The following EVC variants were observed in gnomAD, a reference collection of about 807,000 sequenced individuals.
The protein encoded by EVC is evC complex member EVC.
A neutral mutation model predicts 118.9 loss-of-function variants in EVC; 116 were observed. That is an observed-to-expected ratio of 0.98 (90% CI 0.84 to 1.14). The LOEUF (loss-of-function observed/expected upper bound fraction) is 1.14. Among genes scored for constraint, EVC ranks in the 50% most tolerant of loss-of-function variants. EVC has a pLI of 0.00. For missense variants in EVC, 1,401 were observed against 1,246.4 expected, an observed-to-expected ratio of 1.12 and a Z score of -1.87; for synonymous variants, 619 against 534.7, an observed-to-expected ratio of 1.16 and a Z score of -2.18.
chr4:5,750,636 G>C (rs1302972118), intron 8 of EVC, among the ~76,000 whole-genome samples: 2 of 152,192 alleles, frequency 1.3e-5, no homozygotes, highest in Admixed American at 6.5e-5. Context: ...GATAGCACCT[G>C]CTCTCTCACA....
In EVC at chr4:5,811,395, G is replaced by C. The variant is rs1417064402; in HGVS notation, c.*358G>C. ...TCTGGAATCCCTGGCCCAAAGGCCT[G>C]TCTGGGCCCATCTGGGGCTGAGGAC... is the stretch of plus-strand genomic sequence containing the variant. On this transcript the variant is annotated 3_prime_UTR_variant, in exon 21 of 21. Coordinates refer to ENST00000264956, the MANE Select transcript of EVC (RefSeq NM_153717.3). 4 of 335,228 alleles carry C rather than the reference G, an allele frequency of 1.2e-5. No individual in the cohort carries two copies. Among genetic ancestry groups the C allele is most frequent in the Non-Finnish European group, 2.3e-5 (4 of 175,904 alleles). 20.8% of individuals were successfully genotyped at this position (335,228 alleles called of 1,614,324 possible).
In EVC at chr4:5,756,308, C is replaced by T. The variant is rs1324642403; in HGVS notation, c.1509C>T (p.Asp503=). Residue 503 remains aspartate, a synonymous_variant, in exon 11 of 21, where the codon GAC becomes GAT. Transcript: ENST00000264956. This position sits in a 1 kb window ranked among gnomAD's most constrained non-coding sequence, Gnocchi z 4.2. ...AGAGGCAGAGGCTGATGCAGTGTGA[C>T]CTGGAGGAAGAGGAGAATGTCAGAG... is the stretch of plus-strand genomic sequence containing the variant. The part of the protein sequence containing the change: ...VLERQRLMQC[D]LEEEENVRAT... 1.2e-6 allele frequency: 2 copies of T among 1,612,968 alleles called. No individual in the cohort carries two copies. The highest frequency in any genetic ancestry group is 2.2e-5 in the East Asian group (1 of 44,852).
intron 12 of EVC, among the ~76,000 whole-genome samples, chr4:5,784,632 A>G (rs919387636): frequency 1.6e-5 from 2 of 125,828 alleles, no homozygotes; most frequent in Non-Finnish European, 3.2e-5. Context: ...TTTTTTTGGA[A>G]TGGAATCTTG....
intron 2 of EVC, among the ~76,000 whole-genome samples, chr4:5,720,737 A>C (rs958256207): frequency 6.6e-6 from 1 of 152,124 alleles, no homozygotes; most frequent in Non-Finnish European, 1.5e-5. Context: ...CTCTGCTGCT[A>C]TCCCGGGACA....
intron 8 of EVC, 49 bp downstream of exon 8, chr4:5,748,355 A>T (rs1168383109): frequency 6.2e-7 from 1 of 1,604,952 alleles, no homozygotes; most frequent in Non-Finnish European, 8.5e-7. Flanking sequence ...CAGACTAGAG[A>T]TATGGAATCC....
downstream of EVC, among the ~76,000 whole-genome samples, chr4:5,815,125 T>C (rs1717473659): frequency 6.6e-6 from 1 of 151,984 alleles, no homozygotes; most frequent in Non-Finnish European, 1.5e-5. Context: ...ACAGTGGTCT[T>C]AAGGATTGCA....
rs747203423 is a variant in EVC at position 5,733,378 on chromosome 4, C to G, written c.645C>G (p.Ser215Arg). 1 of 1,613,896 alleles carries G rather than the reference C, an allele frequency of 6.2e-7. No individual in the cohort carries two copies. Among genetic ancestry groups the G allele is most frequent in the Non-Finnish European group, 8.5e-7 (1 of 1,179,932 alleles). ...ESVDVDLCIY[S>R]LHLKDLLHLD... is the part of the protein sequence containing the mutation. ...TAGACGTTGACCTGTGTATCTACAGCCTTCACTTAAAAGACCTGCTGCATT... is the reference window on the plus strand; with the variant it reads ...TAGACGTTGACCTGTGTATCTACAGGCTTCACTTAAAAGACCTGCTGCATT... Residue 215 changes from serine (S) to arginine (R), a missense_variant, in exon 5 of 21, where the codon AGC becomes AGG. Coordinates refer to ENST00000264956, the MANE Select transcript of EVC (RefSeq NM_153717.3).
chr4:5,797,790 T>C lies in EVC; in HGVS notation c.2097+558T>C, dbSNP rs552835153. On this transcript the variant is annotated intron_variant, in intron 14 of 20. Coordinates refer to ENST00000264956, the MANE Select transcript of EVC (RefSeq NM_153717.3). ...CCAAAAGTTTTTAGTATCACTGATA[T>C]AATGAGAAATATATACTGGAAAAAC... Among the ~76,000 whole-genome samples, 29 of 152,286 alleles carry C rather than the reference T, an allele frequency of 1.9e-4. No individual in the cohort carries two copies. In the South Asian group the frequency reaches 5.0e-3, roughly 26 times the overall value.
rs75464465 is a variant in EVC at position 5,804,330 on chromosome 4, C to A, written c.2450-400C>A. Among the ~76,000 whole-genome samples, 598 of 152,328 alleles carry A rather than the reference C, an allele frequency of 3.9e-3. 4 individuals are homozygous for A. The highest frequency in any genetic ancestry group is 0.014 in the African/African-American group (572 of 41,568). The stretch of plus-strand genomic sequence containing the variant: ...AGCTCCAAGAAATGGGGCATAACTT[C>A]AGAGCCCAGACTTCCTAGCTCCTTG... On this transcript the variant is annotated intron_variant, in intron 16 of 20. Coordinates refer to ENST00000264956, the MANE Select transcript of EVC (RefSeq NM_153717.3).
At chr4:5,711,593 CG>C in intron 1 of EVC, 39 bp downstream of exon 1, 1 of 1,166,470 alleles carries the variant, frequency 8.6e-7, no homozygotes, top group East Asian at 3.8e-5. Context: ...GCGGGGAGCG[CG>C]GGGCGCGTGG....
At position 5,808,306 on chromosome 4, in the gene EVC, C is replaced by T; in HGVS notation, c.2667C>T (p.Ala889=). ...CAGGAGTCATGGACCTTCTGGAAGC[C>T]CAGCTGGAGACCCAGCTACAGGTAC... ...QQAGVMDLLE[A]QLETQLQEAE... is the part of the protein sequence containing the mutation. Residue 889 remains alanine (A), a synonymous_variant, in exon 18 of 21, where the codon GCC becomes GCT. Coordinates refer to ENST00000264956, the MANE Select transcript of EVC (RefSeq NM_153717.3). 6.2e-7 allele frequency: 1 copy of T among 1,614,202 alleles called. No homozygotes were observed. Among genetic ancestry groups the T allele is most frequent in the Non-Finnish European group, 8.5e-7 (1 of 1,180,052 alleles).
downstream of EVC, among the ~76,000 whole-genome samples, chr4:5,814,501 C>T (rs558376958): frequency 1.1e-4 from 17 of 152,132 alleles, no homozygotes; most frequent in Non-Finnish European, 1.6e-4. Flanking sequence ...CCCTGCCATC[C>T]GCCCATCACA....
In EVC at chr4:5,724,104, G is replaced by A. The variant is rs151135713; in HGVS notation, c.300+4731G>A. Among the ~76,000 whole-genome samples, 12 of 152,320 alleles carry A rather than the reference G, an allele frequency of 7.9e-5. No individual in the cohort carries two copies. The East Asian group carries it at 2.3e-3, about 29-fold the overall frequency. On this transcript the variant is annotated intron_variant, in intron 2 of 20. Coordinates refer to ENST00000264956, the MANE Select transcript of EVC (RefSeq NM_153717.3). ...CTCAGTTCGCAGCACCATAAGGTGG[G>A]CATGATAATAATAGTCCCCACCTCC...
At chr4:5,770,702 GTCAA>G (rs1357109407) in intron 11 of EVC, among the ~76,000 whole-genome samples, 1 of 152,148 alleles carries the variant, frequency 6.6e-6, no homozygotes, top group Non-Finnish European at 1.5e-5. Context: ...ACACAAATCA[GTCAA>G]TCAGTTAATG....
rs187283956 is a variant in EVC, at chr4:5,742,340, A to G, written c.801+526A>G. 2.3e-3 allele frequency among the ~76,000 whole-genome samples: 354 copies of G among 152,278 alleles called. 3 individuals carry two copies. The highest frequency in any genetic ancestry group is 1.7e-3 in the Non-Finnish European group (114 of 68,018). Reference sequence around the variant, plus strand: ...AGAAAGGATAAGAGAGATGTGTATGATACACCTAGCAATGTCATAGTTGGC... The same window carrying G: ...AGAAAGGATAAGAGAGATGTGTATGGTACACCTAGCAATGTCATAGTTGGC... On this transcript the variant is annotated intron_variant, in intron 6 of 20. Transcript: ENST00000264956. This position sits in a 1 kb window ranked among gnomAD's most constrained non-coding sequence, Gnocchi z 5.2.
intron 12 of EVC, among the ~76,000 whole-genome samples, chr4:5,788,236 G>A (rs1163737771): frequency 3.9e-5 from 6 of 152,178 alleles, no homozygotes; most frequent in African/African-American, 4.8e-5. Flanking sequence ...TGGGTCAGGG[G>A]TCCAGGCACA....
intron 12 of EVC, among the ~76,000 whole-genome samples, chr4:5,786,604 T>C (rs1444300442): frequency 6.6e-6 from 1 of 152,216 alleles, no homozygotes; most frequent in Non-Finnish European, 1.5e-5. Context: ...CCGGGTGCGG[T>C]GGCTCACGCC....
chr4:5,798,553 C>G lies in EVC; in HGVS notation c.2098-33C>G. Reference sequence around the variant, plus strand: ...CCAGAGCTTCTCTGTGAGAGGAGCACTTGGCCCCTGCTCCCAGTCCTTTCC... The same window carrying G: ...CCAGAGCTTCTCTGTGAGAGGAGCAGTTGGCCCCTGCTCCCAGTCCTTTCC... On this transcript the variant is annotated intron_variant, in intron 14 of 20. Coordinates refer to ENST00000264956, the MANE Select transcript of EVC (RefSeq NM_153717.3). The surrounding 1 kb of genome is among the most constrained non-coding windows in gnomAD (Gnocchi z 4.1). 1 of 1,544,008 alleles carries G rather than the reference C, an allele frequency of 6.5e-7. No homozygotes were observed.
intron 12 of EVC, among the ~76,000 whole-genome samples, chr4:5,784,206 A>G (rs959420589): frequency 6.6e-6 from 1 of 152,174 alleles, no homozygotes; most frequent in Non-Finnish European, 1.5e-5. Context: ...GTTCCCTTAC[A>G]GGGCAAAAGG....
Sources: gnomAD v4.1 joint callset for allele counts (sites outside exome capture counted in the v4.1 genomes callset) on GRCh38, gnomAD v4.1.1 for gene constraint, Gnocchi (gnomAD v3.1) non-coding constraint, MANE v1.5 for transcripts, NCBI Gene and HGNC (gene_info 2026-07-23, HGNC 2026-07-21) for gene names.